Variants in OSBPL8 observed in about 807,000 individuals in gnomAD.
OSBPL8 encodes the protein oxysterol-binding protein-related protein 8.
Under a neutral mutation model 125.5 loss-of-function variants are expected in OSBPL8, and 59 were observed. The observed-to-expected ratio is 0.47, with a 90% CI of 0.38 to 0.58. The LOEUF (loss-of-function observed/expected upper bound fraction) is 0.58, where lower values mean the gene tolerates loss of function less well. OSBPL8 is among the 20% of genes least tolerant of loss of function. The pLI is 0.00. For missense variants in OSBPL8, 758 were observed against 1,047.8 expected, an observed-to-expected ratio of 0.72 and a Z score of 3.82; for synonymous variants, 330 against 338.9, an observed-to-expected ratio of 0.97 and a Z score of 0.29.
chr12:76,552,258 C>G (rs11114430), intron 1 of OSBPL8, among the ~76,000 whole-genome samples: 1 of 151,616 alleles, frequency 6.6e-6, no homozygotes, highest in Non-Finnish European at 1.5e-5. Context: ...AACCCCATCT[C>G]TACCAAAAAT....
intron 1 of OSBPL8, among the ~76,000 whole-genome samples, chr12:76,515,380 G>A (rs1355816558): frequency 6.6e-6 from 1 of 152,148 alleles, no homozygotes; most frequent in Non-Finnish European, 1.5e-5. Flanking sequence ...TTTATTTCAT[G>A]GAAGCTGATT....
chr12:76,550,507 G>T (rs1223932581), intron 1 of OSBPL8, among the ~76,000 whole-genome samples: 1 of 152,138 alleles, frequency 6.6e-6, no homozygotes, highest in African/African-American at 2.4e-5. Flanking sequence ...CCAATCATTT[G>T]GCTTCCCTGG....
intron 21 of OSBPL8, among the ~76,000 whole-genome samples, chr12:76,360,751 T>C (rs1952170650): frequency 6.6e-6 from 1 of 152,196 alleles, no homozygotes; most frequent in Admixed American, 6.5e-5. Flanking sequence ...CTCAACACCA[T>C]GTGGAAGCTG....
chr12:76,435,354 C>T (rs1025627440), intron 4 of OSBPL8, among the ~76,000 whole-genome samples: 1 of 152,016 alleles, frequency 6.6e-6, no homozygotes, highest in African/African-American at 2.4e-5. Flanking sequence ...AATAGTTGAA[C>T]TCATAGATGC....
chr12:76,432,542 C>CT (rs1870967090), intron 4 of OSBPL8, among the ~76,000 whole-genome samples: 1 of 152,132 alleles, frequency 6.6e-6, no homozygotes, highest in Non-Finnish European at 1.5e-5. Flanking sequence ...GATCATGCCA[C>CT]TGCATTCCAG....
chr12:76,393,738 C>CAAAAA (rs1953668893), intron 9 of OSBPL8, among the ~76,000 whole-genome samples: 1 of 83,030 alleles, frequency 1.2e-5, no homozygotes, highest in Non-Finnish European at 2.5e-5. Context: ...AAAAAAAAAT[C>CAAAAA]TGAGGCCAGG....
intron 1 of OSBPL8, among the ~76,000 whole-genome samples, chr12:76,531,782 A>C (rs924375837): frequency 4.6e-5 from 7 of 152,158 alleles, no homozygotes; most frequent in African/African-American, 1.7e-4. Flanking sequence ...TCACGCCTGT[A>C]ATCCCAGCAC....
chr12:76,448,928 G>A (rs774914703), intron 4 of OSBPL8, among the ~76,000 whole-genome samples: 5 of 152,108 alleles, frequency 3.3e-5, no homozygotes, highest in Admixed American at 1.3e-4. Context: ...CAGGAGAATC[G>A]CTTGAACCCG....
At chr12:76,359,973 C>A (rs930110301) in intron 21 of OSBPL8, among the ~76,000 whole-genome samples, 1 of 152,130 alleles carries the variant, frequency 6.6e-6, no homozygotes, top group Non-Finnish European at 1.5e-5. Flanking sequence ...AGAGCCAAAT[C>A]GTATCATTCT....
At chr12:76,489,598 C>T (rs920181091) in intron 1 of OSBPL8, among the ~76,000 whole-genome samples, 2 of 152,222 alleles carry the variant, frequency 1.3e-5, no homozygotes, top group Non-Finnish European at 2.9e-5. Flanking sequence ...TTTAAGCTCA[C>T]TGTTGAGACT....
In OSBPL8 at chr12:76,559,741, A is replaced by C. The variant is rs1002516846; in HGVS notation, c.-412T>G. On this transcript the variant is annotated 5_prime_UTR_variant, in exon 1 of 24. Transcript: ENST00000261183. ...CTGGCCAGGAGCGCGTCGCGGCCTA[A>C]TGTTGTCATCCGCCGCGTCGCCGCC... The C allele has an allele frequency of 6.6e-6, 1 of 152,224 alleles. No homozygotes were observed. The highest frequency in any genetic ancestry group is 1.5e-5 in the Non-Finnish European group (1 of 68,130). The allele number at this position is 152,224 out of a possible 1,614,324, so 9.4% of individuals were successfully genotyped here. A position where few individuals can be genotyped will look rare whatever the true frequency, so the allele number is the denominator to read the frequency against.
Position 76,447,829 on chromosome 12 carries a change from G to A in OSBPL8, c.217+3022C>T, listed in dbSNP as rs138047568. ...CCCAAAGTGCTGGGATTACAGGCAT[G>A]AGCCACTGCACCCGGTCAGCCAAGT... is the stretch of plus-strand genomic sequence containing the variant. On this transcript the variant is annotated intron_variant, in intron 4 of 23. Coordinates refer to ENST00000261183, the MANE Select transcript of OSBPL8 (RefSeq NM_020841.5). Among the ~76,000 whole-genome samples the A allele has an allele frequency of 1.9e-3, 282 of 152,312 alleles. 3 individuals are homozygous for A. The highest frequency in any genetic ancestry group is 6.4e-3 in the African/African-American group (267 of 41,566).
chr12:76,466,057 T>C (rs1297751237), intron 2 of OSBPL8, among the ~76,000 whole-genome samples: 1 of 152,096 alleles, frequency 6.6e-6, no homozygotes, highest in African/African-American at 2.4e-5. Flanking sequence ...CCATTATATA[T>C]TGGCTTTTAA....
chr12:76,499,184 C>T (rs1437011652), intron 1 of OSBPL8, among the ~76,000 whole-genome samples: 1 of 152,084 alleles, frequency 6.6e-6, no homozygotes, highest in Non-Finnish European at 1.5e-5. Flanking sequence ...TGCTTCCTGC[C>T]CTCAAACATT....
At chr12:76,413,654 G>A (rs1266303297) in intron 4 of OSBPL8, among the ~76,000 whole-genome samples, 1 of 152,136 alleles carries the variant, frequency 6.6e-6, no homozygotes, top group African/African-American at 2.4e-5. Flanking sequence ...TCTGGTGGAT[G>A]CACAGTAGTT....
chr12:76,352,951 T>A lies in OSBPL8; in HGVS notation c.*2938A>T, dbSNP rs1226377238. 1 of 152,430 alleles carries A rather than the reference T, an allele frequency of 6.6e-6. No homozygotes were observed. The highest frequency in any genetic ancestry group is 2.4e-5 in the African/African-American group (1 of 41,432). 9.4% of individuals were successfully genotyped at this position (152,430 alleles called of 1,614,324 possible). A position where few individuals can be genotyped will look rare whatever the true frequency, so the allele number is the denominator to read the frequency against. On this transcript the variant is annotated 3_prime_UTR_variant, in exon 24 of 24. Coordinates refer to ENST00000261183, the MANE Select transcript of OSBPL8 (RefSeq NM_020841.5). ...AAGAATAGGTAAATAGACAAACCCCTATAAAAGATAGTATTATTGTTTAAA... is the reference window on the plus strand; with the variant it reads ...AAGAATAGGTAAATAGACAAACCCCAATAAAAGATAGTATTATTGTTTAAA...
At chr12:76,398,535 A>G (rs1953916752) in intron 7 of OSBPL8, among the ~76,000 whole-genome samples, 1 of 152,240 alleles carries the variant, frequency 6.6e-6, no homozygotes. Flanking sequence ...CTATGTCAAT[A>G]GTAAGTCTAA....
At chr12:76,375,234 T>C (rs769866987) in intron 17 of OSBPL8, 39 bp downstream of exon 17, 25 of 1,349,136 alleles carry the variant, frequency 1.9e-5, no homozygotes, top group Non-Finnish European at 2.6e-5. Flanking sequence ...TGTATGGCTC[T>C]CCTTTAGCTA....
chr12:76,551,997 T>TA (rs2137509471), intron 1 of OSBPL8, among the ~76,000 whole-genome samples: 1 of 152,268 alleles, frequency 6.6e-6, no homozygotes, highest in African/African-American at 2.4e-5. Context: ...CTTATGGTTT[T>TA]ACTATCCCTT....
Sources: allele counts gnomAD v4.1 joint callset (sites outside exome capture counted in the v4.1 genomes callset), GRCh38; gene constraint gnomAD v4.1.1; transcripts MANE v1.5; gene names NCBI Gene and HGNC (gene_info 2026-07-23, HGNC 2026-07-21).